Variants in BCAS3 observed in about 807,000 individuals in gnomAD.
BCAS3 encodes BCAS3 microtubule associated cell migration factor.
Under a neutral mutation model 116.1 loss-of-function variants are expected in BCAS3, and 53 were observed. The ratio of observed to expected loss-of-function variants is 0.46; its 90% CI spans 0.37 to 0.57. BCAS3 has a LOEUF of 0.57. Ranked by LOEUF, BCAS3 falls within the 20% of genes least tolerant of loss-of-function variation. The probability of loss-of-function intolerance (pLI) is 0.00; values close to 1 mark genes in which losing one functional copy is unlikely to be tolerated. For missense variants in BCAS3, 917 were observed against 1,165.4 expected (o/e 0.79, Z 3.10); for synonymous variants, 391 against 408.2 (o/e 0.96, Z 0.51).
intron 16 of BCAS3, 40 bp downstream of exon 16, chr17:61,015,941 A>G (rs1310059235): frequency 1.9e-6 from 3 of 1,562,248 alleles, no homozygotes; most frequent in Admixed American, 1.8e-5. Context: ...CAGCTGTTTT[A>G]TAGGGTTGAA....
intron 6 of BCAS3, among the ~76,000 whole-genome samples, chr17:60,785,382 C>T (rs534838262): frequency 2.0e-5 from 3 of 152,180 alleles, no homozygotes; most frequent in Admixed American, 6.5e-5. Context: ...TGGTCTCTAA[C>T]CCCTGGCCTT....
rs919879183 is a variant in BCAS3 at position 61,083,961 on chromosome 17, C to T, written c.2328-506C>T. ...CCCGGCCACAGTACATCTTTGTTATCCTATGCTTACTGTCAGATATAAAGT... is the reference window on the plus strand; with the variant it reads ...CCCGGCCACAGTACATCTTTGTTATTCTATGCTTACTGTCAGATATAAAGT... On this transcript the variant is annotated intron_variant, in intron 21 of 23. Coordinates refer to ENST00000407086, the MANE Select transcript of BCAS3 (RefSeq NM_017679.5). The surrounding 1 kb of genome is among the most constrained non-coding windows in gnomAD (Gnocchi z 4.9). 6.6e-6 allele frequency among the ~76,000 whole-genome samples: 1 copy of T among 151,970 alleles called. No individual in the cohort carries two copies. Among genetic ancestry groups the T allele is most frequent in the Non-Finnish European group, 1.5e-5 (1 of 67,962 alleles).
intron 22 of BCAS3, among the ~76,000 whole-genome samples, chr17:61,330,327 C>T (rs1201341652): frequency 2.1e-5 from 3 of 142,474 alleles, no homozygotes; most frequent in Non-Finnish European, 3.1e-5. Context: ...GGCGCAATCA[C>T]GGCTCACTGC....
chr17:60,812,416 T>C (rs1202869510), intron 7 of BCAS3, among the ~76,000 whole-genome samples: 3 of 152,180 alleles, frequency 2.0e-5, no homozygotes, highest in Admixed American at 2.0e-4. Flanking sequence ...GCACATTTTG[T>C]AGAACAAATG....
At position 61,015,024 on chromosome 17, in the gene BCAS3, A is replaced by C. The variant is rs1209267634; in HGVS notation, c.1487-727A>C. On this transcript the variant is annotated intron_variant, in intron 15 of 23. Transcript: ENST00000407086. The stretch of plus-strand genomic sequence containing the variant: ...ATGGAAAGGCATCCTAAGTTCTTGG[A>C]TTAAAAGGTATATTATTGTTAAAAT... Among the ~76,000 whole-genome samples the C allele has an allele frequency of 5.3e-5, 8 of 152,186 alleles. No homozygotes were observed. The East Asian group carries it at 1.3e-3, about 26-fold the overall frequency.
At chr17:61,293,584 G>T (rs757135588) in intron 22 of BCAS3, among the ~76,000 whole-genome samples, 15 of 152,194 alleles carry the variant, frequency 9.9e-5, no homozygotes, top group Non-Finnish European at 1.8e-4. Context: ...GGAAGTGACA[G>T]GTATATGGAC....
intron 22 of BCAS3, among the ~76,000 whole-genome samples, chr17:61,329,579 G>A (rs888988825): frequency 2.6e-5 from 4 of 151,930 alleles, no homozygotes; most frequent in Admixed American, 6.6e-5. Context: ...CTGATCTTGT[G>A]ATCCACCGGC....
intron 7 of BCAS3, among the ~76,000 whole-genome samples, chr17:60,853,223 A>T (rs1366582979): frequency 1.3e-5 from 2 of 152,174 alleles, no homozygotes; most frequent in African/African-American, 4.8e-5. Flanking sequence ...ATATAATGAA[A>T]CTGTGGAGAC....
rs1452880559 is a variant in BCAS3 at position 60,990,162 on chromosome 17, G to A, written c.1413G>A (p.Leu471=). 2 of 1,614,086 alleles carry A rather than the reference G, an allele frequency of 1.2e-6. No individual in the cohort carries two copies. The highest frequency in any genetic ancestry group is 2.7e-5 in the African/African-American group (2 of 74,920). Residue 471 remains leucine, a synonymous_variant, in exon 15 of 24, where the codon CTG becomes CTA. Transcript: ENST00000407086. The surrounding 1 kb of genome is among the most constrained non-coding windows in gnomAD (Gnocchi z 5.1). The part of the protein sequence containing the change: ...SAGLEEIEQE[L]TSKQGGRCSP... Reference sequence around the variant, plus strand: ...GACTGGAAGAGATTGAACAAGAACTGACGTCTAAGCAAGGAGGTCGCTGTA... The same window carrying A: ...GACTGGAAGAGATTGAACAAGAACTAACGTCTAAGCAAGGAGGTCGCTGTA...
chr17:61,045,884 TTATATATATAA>T (rs1278227965), intron 19 of BCAS3, among the ~76,000 whole-genome samples: 2 of 42,366 alleles, frequency 4.7e-5, no homozygotes, highest in Non-Finnish European at 6.4e-5. Context: ...TAAATATATA[TTATATATATAA>T]TATATATAAA....
intron 22 of BCAS3, among the ~76,000 whole-genome samples, chr17:61,234,783 GAAAAAAAAA>G (rs71148395): frequency 1.4e-5 from 2 of 143,154 alleles, no homozygotes; most frequent in African/African-American, 5.5e-5. Flanking sequence ...GCTTTTTCCA[GAAAAAAAAA>G]AAAAAAAAAA....
chr17:60,757,391 T>C (rs1163645127), intron 6 of BCAS3, among the ~76,000 whole-genome samples: 2 of 143,988 alleles, frequency 1.4e-5, no homozygotes, highest in Non-Finnish European at 3.0e-5. Flanking sequence ...TGCCAGCATG[T>C]ATATGTGTGT....
intron 16 of BCAS3, 69 bp downstream of exon 16, chr17:61,015,970 ACTTTTT>A: frequency 1.4e-6 from 2 of 1,463,354 alleles, no homozygotes; most frequent in Non-Finnish European, 1.9e-6. Flanking sequence ...AATAAAACAT[ACTTTTT>A]CTTTGTGTGG....
chr17:61,158,364 G>A (rs780331774), intron 22 of BCAS3, among the ~76,000 whole-genome samples: 1 of 152,082 alleles, frequency 6.6e-6, no homozygotes, highest in Non-Finnish European at 1.5e-5. Flanking sequence ...CTTGTGGCTG[G>A]TATTTGTTTT....
Position 61,020,926 on chromosome 17 carries a change from C to G in BCAS3, c.1637+5025C>G, listed in dbSNP as rs1450987474. Among the ~76,000 whole-genome samples the G allele has an allele frequency of 6.6e-6, 1 of 152,146 alleles. No homozygotes were observed. Among genetic ancestry groups the G allele is most frequent in the Non-Finnish European group, 1.5e-5 (1 of 68,020 alleles). The stretch of plus-strand genomic sequence containing the variant: ...TTGAAAATGAAGTTACTTCCTTGCT[C>G]TTACTAGGTGGAGCACTTTTTGTGA... On this transcript the variant is annotated intron_variant, in intron 16 of 23. Coordinates refer to ENST00000407086, the MANE Select transcript of BCAS3 (RefSeq NM_017679.5). The surrounding 1 kb of genome is among the most constrained non-coding windows in gnomAD (Gnocchi z 4.5).
At chr17:60,748,378 C>T (rs141901773) in intron 6 of BCAS3, among the ~76,000 whole-genome samples, 157 of 152,340 alleles carry the variant, frequency 1.0e-3, no homozygotes, top group African/African-American at 3.5e-3. Context: ...AGCTCTTTAG[C>T]TGTCTCTCTG....
chr17:61,070,366 A>AATATATATATATATATATAT lies in BCAS3; in HGVS notation c.2030-4539_2030-4520dup, dbSNP rs55736464. The AATATATATATATATATATAT allele has an allele frequency of 4.9e-4, 153 of 314,052 alleles. 12 individuals are homozygous for AATATATATATATATATATAT. The highest frequency in any genetic ancestry group is 1.0e-3 in the African/African-American group (35 of 35,170). 19.5% of individuals were successfully genotyped at this position (314,052 alleles called of 1,614,324 possible). A position where few individuals can be genotyped will look rare whatever the true frequency, so the allele number is the denominator to read the frequency against. On this transcript the variant is annotated intron_variant, in intron 19 of 23. Transcript: ENST00000407086. ...AACTGAGTCCAGCTGCCTAATTCTGAATATATATATATATATATATATATA... is the reference window on the plus strand; with the variant it reads ...AACTGAGTCCAGCTGCCTAATTCTGAATATATATATATATATATATATATATATATATATATATATATATA...
intron 22 of BCAS3, among the ~76,000 whole-genome samples, chr17:61,216,515 T>TTTTTA (rs1168493031): frequency 1.3e-5 from 1 of 77,926 alleles, no homozygotes; most frequent in Non-Finnish European, 2.6e-5. Context: ...AATAAGTATG[T>TTTTTA]GTTTATTTTA....
rs1332772449 is a variant in BCAS3 at position 61,213,927 on chromosome 17, C to T, written c.2425+129363C>T. 6.6e-6 allele frequency among the ~76,000 whole-genome samples: 1 copy of T among 152,078 alleles called. No homozygotes were observed. The highest frequency in any genetic ancestry group is 1.9e-4 in the East Asian group (1 of 5,196). ...GAGAAGAGACTATAGAAATGTAGTG[C>T]AGAGGGAAGACAAGTGAGGAATTAT... On this transcript the variant is annotated intron_variant, in intron 22 of 23. Coordinates refer to ENST00000407086, the MANE Select transcript of BCAS3 (RefSeq NM_017679.5). This position sits in a 1 kb window ranked among gnomAD's most constrained non-coding sequence, Gnocchi z 5.4.
Sources: allele counts gnomAD v4.1 joint callset (sites outside exome capture counted in the v4.1 genomes callset), GRCh38; gene constraint gnomAD v4.1.1; non-coding constraint Gnocchi (gnomAD v3.1); transcripts MANE v1.5; gene names NCBI Gene and HGNC (gene_info 2026-07-23, HGNC 2026-07-21).